The following ADK variants were observed in gnomAD, a reference collection of about 807,000 sequenced individuals.
The protein encoded by ADK is N6,N6-dimethyladenosine kinase.
A neutral mutation model predicts 44.7 loss-of-function variants in ADK; 24 were observed. That is an observed-to-expected ratio of 0.54 (90% CI 0.39 to 0.76). ADK has a LOEUF of 0.76. Ranked by LOEUF, ADK falls within the 30% of genes least tolerant of loss-of-function variation. ADK has a pLI of 0.00. For synonymous variants in ADK, 128 were observed against 142.6 expected, an observed-to-expected ratio of 0.90 and a Z score of 0.73; for missense variants, 321 against 425.1, an observed-to-expected ratio of 0.76 and a Z score of 2.15.
At chr10:74,395,115 C>T (rs1393903270) in intron 5 of ADK, among the ~76,000 whole-genome samples, 1 of 152,058 alleles carries the variant, frequency 6.6e-6, no homozygotes, top group African/African-American at 2.4e-5. Context: ...CAAAGATGAC[C>T]TCTTTTTAAA....
intron 6 of ADK, among the ~76,000 whole-genome samples, chr10:74,509,067 C>A (rs1359990052): frequency 2.0e-5 from 3 of 152,222 alleles, no homozygotes; most frequent in Non-Finnish European, 4.4e-5. Context: ...TGGCCTCACC[C>A]TATCCTCCCA....
intron 2 of ADK, among the ~76,000 whole-genome samples, chr10:74,205,981 A>T (rs1843582380): frequency 2.6e-5 from 4 of 152,226 alleles, no homozygotes; most frequent in African/African-American, 9.6e-5. Context: ...TCAGTTATAT[A>T]TCAAAGGCTG....
intron 1 of ADK, among the ~76,000 whole-genome samples, chr10:74,199,710 C>T (rs183428494): frequency 1.3e-3 from 201 of 152,032 alleles, no homozygotes; most frequent in African/African-American, 4.5e-3. Flanking sequence ...GGCAGAGTCT[C>T]GCTCTGTCGC....
rs1853481019 is a variant in ADK at position 74,632,585 on chromosome 10, T to G, written c.877+32092T>G. Among the ~76,000 whole-genome samples the G allele has an allele frequency of 2.6e-5, 4 of 152,288 alleles. No homozygotes were observed. The South Asian group carries it at 8.3e-4, about 32-fold the overall frequency. On this transcript the variant is annotated intron_variant, in intron 9 of 10. Transcript: ENST00000539909. ...TTGCCTCTGTCTTCGCATGGCCTTC[T>G]TCCCTGTGTATATCTTTCTGTGCCC... is the stretch of plus-strand genomic sequence containing the variant.
Position 74,669,603 on chromosome 10 carries a change from T to C in ADK, c.878-580T>C, listed in dbSNP as rs1481736030. ...CAGATAGTGACTTCTTTGCAAAACATAACCAGATTAGGTTATTTTTAGTAA... is the reference window on the plus strand; with the variant it reads ...CAGATAGTGACTTCTTTGCAAAACACAACCAGATTAGGTTATTTTTAGTAA... On this transcript the variant is annotated intron_variant, in intron 9 of 10. Coordinates refer to ENST00000539909, the MANE Select transcript of ADK (RefSeq NM_006721.4). Among the ~76,000 whole-genome samples the C allele has an allele frequency of 3.9e-5, 6 of 152,322 alleles. No homozygotes were observed. The South Asian group carries it at 8.3e-4, about 21-fold the overall frequency.
At chr10:74,415,979 C>T (rs1844354175) in intron 6 of ADK, among the ~76,000 whole-genome samples, 1 of 151,196 alleles carries the variant, frequency 6.6e-6, no homozygotes. Context: ...AGCTTTTGCT[C>T]ATATATATAA....
intron 3 of ADK, among the ~76,000 whole-genome samples, chr10:74,233,070 G>A (rs1187291402): frequency 1.3e-5 from 2 of 152,192 alleles, no homozygotes; most frequent in African/African-American, 2.4e-5. Context: ...ACTATATGGT[G>A]CCCTGGACTT....
At chr10:74,642,021 C>G (rs1853863438) in intron 9 of ADK, among the ~76,000 whole-genome samples, 1 of 152,126 alleles carries the variant, frequency 6.6e-6, no homozygotes, top group South Asian at 2.1e-4. Context: ...CTTTTTGACT[C>G]TCAATGACAG....
In ADK at chr10:74,214,824, T is replaced by A. The variant is rs377297102; in HGVS notation, c.141-9714T>A. 1.8e-4 allele frequency among the ~76,000 whole-genome samples: 28 copies of A among 152,330 alleles called. No homozygotes were observed. In the East Asian group the frequency reaches 4.8e-3, roughly 26 times the overall value. On this transcript the variant is annotated intron_variant, in intron 2 of 10. Transcript: ENST00000539909. ...AAGAGGGGGCAGGGATGAGTATTTATCATAATTGTTAAATAATGCGCTGGA... is the reference window on the plus strand; with the variant it reads ...AAGAGGGGGCAGGGATGAGTATTTAACATAATTGTTAAATAATGCGCTGGA...
intron 7 of ADK, among the ~76,000 whole-genome samples, chr10:74,563,710 C>A (rs1212139715): frequency 6.6e-6 from 1 of 152,154 alleles, no homozygotes; most frequent in Non-Finnish European, 1.5e-5. Context: ...CTAAATATGG[C>A]AAGTTGCAAA....
intron 1 of ADK, among the ~76,000 whole-genome samples, chr10:74,193,241 TTTC>T (rs1262746670): frequency 6.6e-6 from 1 of 151,732 alleles, no homozygotes; most frequent in Non-Finnish European, 1.5e-5. Context: ...TGATTAGTGT[TTTC>T]TTTTTTTTTC....
chr10:74,502,119 A>G (rs981054077), intron 6 of ADK, among the ~76,000 whole-genome samples: 3 of 152,154 alleles, frequency 2.0e-5, no homozygotes, highest in Admixed American at 6.5e-5. Flanking sequence ...ATTAAATACT[A>G]TATATCACTA....
intron 6 of ADK, among the ~76,000 whole-genome samples, chr10:74,507,212 A>G (rs1007609641): frequency 1.3e-5 from 2 of 152,220 alleles, no homozygotes; most frequent in African/African-American, 4.8e-5. Flanking sequence ...AAACTGGGAA[A>G]GTTTCAGATT....
At chr10:74,449,098 A>T (rs1845684333) in intron 6 of ADK, among the ~76,000 whole-genome samples, 2 of 152,224 alleles carry the variant, frequency 1.3e-5, no homozygotes, top group Admixed American at 1.3e-4. Flanking sequence ...AAGTAGTCCA[A>T]AACCATAGGG....
chr10:74,208,970 C>T (rs1843706529), intron 2 of ADK, among the ~76,000 whole-genome samples: 1 of 152,280 alleles, frequency 6.6e-6, no homozygotes, highest in African/African-American at 2.4e-5. Flanking sequence ...CTCCTGACCT[C>T]TGGTGATCTG....
chr10:74,177,945 A>ATTT lies in ADK; in HGVS notation c.66-22808_66-22806dup, dbSNP rs1158811749. Among the ~76,000 whole-genome samples the ATTT allele has an allele frequency of 1.7e-3, 187 of 108,958 alleles. 2 individuals carry two copies. Among genetic ancestry groups the ATTT allele is most frequent in the African/African-American group, 5.6e-3 (161 of 28,506 alleles). The allele number at this position is 108,958 out of a possible 152,430, so 71.5% of individuals were successfully genotyped here. On this transcript the variant is annotated intron_variant, in intron 1 of 10. Coordinates refer to ENST00000539909, the MANE Select transcript of ADK (RefSeq NM_006721.4). ...TAATTATATATATATATATATATAT[A>ATTT]TTTTTTTTTTTTTGAGACAGAGTTT...
At chr10:74,701,708 G>T (rs1420749627) in intron 10 of ADK, among the ~76,000 whole-genome samples, 2 of 152,216 alleles carry the variant, frequency 1.3e-5, no homozygotes, top group Non-Finnish European at 2.9e-5. Context: ...ACTTTGGGAG[G>T]CTGAGGTGGG....
intron 10 of ADK, among the ~76,000 whole-genome samples, chr10:74,706,325 T>A (rs1411949847): frequency 6.6e-6 from 1 of 152,214 alleles, no homozygotes; most frequent in African/African-American, 2.4e-5. Context: ...ACTTTTTACC[T>A]CTTACTAAGT....
chr10:74,570,181 G>A (rs1303669630), intron 7 of ADK, among the ~76,000 whole-genome samples: 17 of 152,022 alleles, frequency 1.1e-4, no homozygotes, highest in African/African-American at 3.9e-4. Flanking sequence ...CTATAGCCTT[G>A]TAGTATAGTT....
Sources: allele counts gnomAD v4.1 joint callset (sites outside exome capture counted in the v4.1 genomes callset), GRCh38; gene constraint gnomAD v4.1.1; transcripts MANE v1.5; gene names NCBI Gene and HGNC (gene_info 2026-07-23, HGNC 2026-07-21).